FAM135B: variants seen among roughly 807,000 people sequenced by gnomAD.
FAM135B encodes the protein family with sequence similarity 135 member B, also known as protein FAM135B.
FAM135B carries 43 observed loss-of-function variants against 127.7 expected under a neutral mutation model. The observed-to-expected ratio is 0.34, with a 90% CI of 0.26 to 0.43. The LOEUF (loss-of-function observed/expected upper bound fraction) is 0.43, where lower values mean the gene tolerates loss of function less well. FAM135B is among the 20% of genes least tolerant of loss of function. The pLI is 1.00. For missense variants in FAM135B, 1,558 were observed against 1,725.6 expected (o/e 0.90, Z 1.72); for synonymous variants, 670 against 665.1 (o/e 1.01, Z -0.11).
At chr8:138,376,105 G>A (rs1373884584) in intron 1 of FAM135B, among the ~76,000 whole-genome samples, 1 of 151,942 alleles carries the variant, frequency 6.6e-6, no homozygotes, top group African/African-American at 2.4e-5. Flanking sequence ...GTGATTCCTG[G>A]CTAATTTTTA....
intron 1 of FAM135B, among the ~76,000 whole-genome samples, chr8:138,395,069 G>A (rs1328673537): frequency 6.6e-6 from 1 of 152,182 alleles, no homozygotes; most frequent in Non-Finnish European, 1.5e-5. Context: ...CTGCTGGCCA[G>A]TGGGTCATTG....
At chr8:138,421,593 A>G (rs962813411) in intron 1 of FAM135B, among the ~76,000 whole-genome samples, 16 of 152,154 alleles carry the variant, frequency 1.1e-4, no homozygotes, top group African/African-American at 3.6e-4. Context: ...ATGTCAAAGA[A>G]CTCTACAGCA....
intron 7 of FAM135B, among the ~76,000 whole-genome samples, chr8:138,212,202 T>C (rs963793669): frequency 1.3e-5 from 2 of 152,086 alleles, no homozygotes; most frequent in Non-Finnish European, 1.5e-5. Flanking sequence ...TGGCACAAAA[T>C]AGGTATTTGT....
rs151171672 is a variant in FAM135B at position 138,455,939 on chromosome 8, G to C, written c.-20+40732C>G. 2.0e-3 allele frequency among the ~76,000 whole-genome samples: 301 copies of C among 152,332 alleles called. 3 individuals are homozygous for C. The highest frequency in any genetic ancestry group is 7.0e-3 in the African/African-American group (292 of 41,588). On this transcript the variant is annotated intron_variant, in intron 1 of 19. Coordinates refer to ENST00000395297, the MANE Select transcript of FAM135B (RefSeq NM_015912.4). ...CTACACCCTCCATATGCCAGATCCA[G>C]ACCTACAAGCTGTCTGTCTTTGTGT...
intron 13 of FAM135B, among the ~76,000 whole-genome samples, chr8:138,149,795 C>T (rs1432006213): frequency 2.0e-5 from 3 of 152,112 alleles, no homozygotes; most frequent in Admixed American, 2.0e-4. Context: ...CTTTTGGCTC[C>T]ACCACGCGCA....
chr8:138,237,328 T>C (rs1005285758), intron 7 of FAM135B, among the ~76,000 whole-genome samples: 1 of 151,980 alleles, frequency 6.6e-6, no homozygotes, highest in African/African-American at 2.4e-5. Context: ...ATCCAGCTAA[T>C]TTTTGTATTT....
In FAM135B at chr8:138,330,759, A is replaced by G. The variant is rs1337622256; in HGVS notation, c.78-19839T>C. 2.0e-5 allele frequency among the ~76,000 whole-genome samples: 3 copies of G among 152,160 alleles called. No individual in the cohort carries two copies. The East Asian group carries it at 5.8e-4, about 29-fold the overall frequency. On this transcript the variant is annotated intron_variant, in intron 2 of 19. Transcript: ENST00000395297. ...TTACCTCCCCTCTGCACTTTTTCTG[A>G]GCAGGACTATATTTTGGAAGGTCCC... is the stretch of plus-strand genomic sequence containing the variant.
intron 7 of FAM135B, among the ~76,000 whole-genome samples, chr8:138,239,025 G>T (rs931395574): frequency 6.6e-6 from 1 of 152,198 alleles, no homozygotes; most frequent in African/African-American, 2.4e-5. Context: ...AAATAGCCAA[G>T]AAGAGAAATA....
At chr8:138,489,242 T>C (rs776388242) in intron 1 of FAM135B, among the ~76,000 whole-genome samples, 16 of 152,254 alleles carry the variant, frequency 1.1e-4, no homozygotes, top group Middle Eastern at 3.4e-3. Context: ...ACCTGTTCTT[T>C]CCCCTGTGTC....
intron 1 of FAM135B, among the ~76,000 whole-genome samples, chr8:138,489,362 C>G (rs752316466): frequency 6.6e-6 from 1 of 152,172 alleles, no homozygotes; most frequent in Non-Finnish European, 1.5e-5. Flanking sequence ...TGTCAAGATT[C>G]TACTGACTGA....
chr8:138,337,713 C>G (rs1439644668), intron 2 of FAM135B, among the ~76,000 whole-genome samples: 1 of 152,090 alleles, frequency 6.6e-6, no homozygotes, highest in Non-Finnish European at 1.5e-5. Flanking sequence ...AATGCCATCC[C>G]CATCAAGCTA....
chr8:138,184,100 A>G (rs1172721695), intron 9 of FAM135B, among the ~76,000 whole-genome samples: 2 of 152,216 alleles, frequency 1.3e-5, no homozygotes, highest in Non-Finnish European at 2.9e-5. Context: ...CTGAGAAGTC[A>G]GCCTTTGGTT....
At chr8:138,447,501 G>A (rs569403374) in intron 1 of FAM135B, among the ~76,000 whole-genome samples, 41 of 152,226 alleles carry the variant, frequency 2.7e-4, no homozygotes, top group Non-Finnish European at 2.2e-4. Context: ...CATGTCCTTC[G>A]TAGGGACATG....
At chr8:138,193,621 T>C (rs1229330665) in intron 9 of FAM135B, among the ~76,000 whole-genome samples, 1 of 152,222 alleles carries the variant, frequency 6.6e-6, no homozygotes, top group Non-Finnish European at 1.5e-5. Context: ...CTTGGGATGC[T>C]GAGCTGCACC....
chr8:138,391,161 C>G (rs1206711300), intron 1 of FAM135B, among the ~76,000 whole-genome samples: 6 of 150,174 alleles, frequency 4.0e-5, no homozygotes, highest in Admixed American at 4.0e-4. Flanking sequence ...AATCCCTGTC[C>G]TCCCATTAAG....
intron 2 of FAM135B, among the ~76,000 whole-genome samples, chr8:138,346,039 C>A (rs1023514853): frequency 6.6e-6 from 1 of 152,170 alleles, no homozygotes; most frequent in Admixed American, 6.5e-5. Context: ...ATGTGACCAA[C>A]AAACACATGA....
chr8:138,219,325 T>C (rs1380585601), intron 7 of FAM135B, among the ~76,000 whole-genome samples: 1 of 152,174 alleles, frequency 6.6e-6, no homozygotes, highest in Non-Finnish European at 1.5e-5. Context: ...GGTTGATATT[T>C]TAGAAGAAAG....
chr8:138,318,683 G>C (rs536753651), intron 2 of FAM135B, among the ~76,000 whole-genome samples: 3 of 152,298 alleles, frequency 2.0e-5, no homozygotes, highest in African/African-American at 7.2e-5. Context: ...TTGTTGTATA[G>C]CTACGTCTCT....
chr8:138,170,468 C>T (rs1223389302), intron 11 of FAM135B, among the ~76,000 whole-genome samples: 1 of 152,088 alleles, frequency 6.6e-6, no homozygotes, highest in Admixed American at 6.6e-5. Context: ...GTGATCTGCC[C>T]ACCTAGGCCT....
Sources: gnomAD v4.1 joint callset for allele counts (sites outside exome capture counted in the v4.1 genomes callset) on GRCh38, gnomAD v4.1.1 for gene constraint, MANE v1.5 for transcripts, NCBI Gene and HGNC (gene_info 2026-07-23, HGNC 2026-07-21) for gene names.